The following PICALM variants were observed in gnomAD, a reference collection of about 807,000 sequenced individuals.
The protein encoded by PICALM is phosphatidylinositol binding clathrin assembly protein, also known as phosphatidylinositol-binding clathrin assembly protein.
In PICALM, 40 loss-of-function variants were observed where a neutral mutation model predicts 80.5. That is an observed-to-expected ratio of 0.50 (90% CI 0.39 to 0.65). The LOEUF (loss-of-function observed/expected upper bound fraction) is 0.65. Among genes scored for constraint, PICALM ranks in the 30% least tolerant of loss-of-function variants. The pLI, the probability that PICALM is intolerant of heterozygous loss-of-function variation, is 0.00. For synonymous variants in PICALM, 288 were observed against 260.3 expected (o/e 1.11, Z -1.02); for missense variants, 676 against 778.9 (o/e 0.87, Z 1.57).
intron 1 of PICALM, among the ~76,000 whole-genome samples, chr11:86,059,896 T>C (rs2096331126): frequency 6.6e-6 from 1 of 151,404 alleles, no homozygotes; most frequent in African/African-American, 2.4e-5. Context: ...AGAGGACAAA[T>C]AATCAAGAGT....
intron 12 of PICALM, among the ~76,000 whole-genome samples, chr11:85,993,875 TAAACTG>T (rs1204537746): frequency 7.2e-5 from 11 of 152,066 alleles, no homozygotes; most frequent in South Asian, 2.1e-4. Context: ...TCACACACAC[TAAACTG>T]ATTTTTTTTT....
intron 4 of PICALM, among the ~76,000 whole-genome samples, chr11:86,022,046 T>C (rs1038967589): frequency 6.6e-6 from 1 of 152,166 alleles, no homozygotes; most frequent in African/African-American, 2.4e-5. Flanking sequence ...CTAATAGGTA[T>C]AGAGTTTCTT....
chr11:86,032,588 T>C lies in PICALM; in HGVS notation c.131-977A>G, dbSNP rs143731177. On this transcript the variant is annotated intron_variant, in intron 1 of 19. Transcript: ENST00000393346. ...TTGCAGTGAGCGGAGATAGTACCAC[T>C]GCACTCCAGCCTGGGCAACAGAGTG... is the stretch of plus-strand genomic sequence containing the variant. 2.2e-3 allele frequency among the ~76,000 whole-genome samples: 332 copies of C among 152,262 alleles called. 14 individuals carry two copies. The East Asian group carries it at 0.06, about 27-fold the overall frequency.
At position 85,990,250 on chromosome 11, in the gene PICALM, C is replaced by T; in HGVS notation, c.1408G>A (p.Gly470Arg). The change falls in exon 13 of 20, where the codon GGA becomes AGA. Residue 470 changes from glycine to arginine, a missense_variant and splice_region_variant. Physicochemically the swap from Gly to Arg is moderately radical, Grantham distance 125 (BLOSUM62 -2). Around this residue, in one of 2 missense-constraint regions of PICALM, gnomAD observed 391 missense variants for 383.6 expected, o/e 1.02. Transcript: ENST00000393346. Reference sequence around the variant, plus strand: ...AAAAAAAGGTTAAATGGTACTTTACCAACAAACATTTCATGAGTAGGTGTC... The same window carrying T: ...AAAAAAAGGTTAAATGGTACTTTACTAACAAACATTTCATGAGTAGGTGTC... ...TRTPTHEMFV[G>R]FTPSPVAQPH... 3 of 1,574,684 alleles carry T rather than the reference C, an allele frequency of 1.9e-6. No individual in the cohort carries two copies. Among genetic ancestry groups the T allele is most frequent in the Non-Finnish European group, 2.6e-6 (3 of 1,152,442 alleles).
intron 17 of PICALM, among the ~76,000 whole-genome samples, chr11:85,979,781 G>T (rs532917826): frequency 6.6e-6 from 1 of 152,176 alleles, no homozygotes; most frequent in Admixed American, 6.5e-5. Context: ...CAGGACAGCT[G>T]TCAGTAACGT....
chr11:86,021,108 G>A (rs375235192), intron 4 of PICALM, among the ~76,000 whole-genome samples: 24 of 152,272 alleles, frequency 1.6e-4, no homozygotes, highest in African/African-American at 5.3e-4. Context: ...AACACTGTGG[G>A]AGGCCAAAAT....
intron 1 of PICALM, among the ~76,000 whole-genome samples, chr11:86,065,092 G>A (rs542714329): frequency 1.1e-4 from 17 of 151,784 alleles, no homozygotes; most frequent in Admixed American, 6.6e-5. Context: ...AAAGGGGTGG[G>A]GTTAAGACTA....
chr11:85,968,507 T>C (rs1327353565), intron 19 of PICALM, among the ~76,000 whole-genome samples: 1 of 152,214 alleles, frequency 6.6e-6, no homozygotes, highest in African/African-American at 2.4e-5. Flanking sequence ...TAAACTGCCA[T>C]ATAAACATTC....
chr11:86,042,838 GA>G (rs2095999462), intron 1 of PICALM, among the ~76,000 whole-genome samples: 1 of 152,100 alleles, frequency 6.6e-6, no homozygotes, highest in Non-Finnish European at 1.5e-5. Context: ...ACAAGACAGG[GA>G]AAAAGAAACC....
intron 11 of PICALM, among the ~76,000 whole-genome samples, chr11:85,997,896 C>A (rs2095026248): frequency 6.6e-6 from 1 of 152,048 alleles, no homozygotes; most frequent in Non-Finnish European, 1.5e-5. Context: ...GACTGGCATG[C>A]CTTAGCCTCC....
intron 3 of PICALM, chr11:86,023,346 T>C (rs937145682): frequency 2.4e-6 from 1 of 418,312 alleles, no homozygotes; most frequent in African/African-American, 2.2e-5. Flanking sequence ...TGAGTGCCTA[T>C]TAAGTACCAG....
intron 3 of PICALM, chr11:86,023,573 T>A (rs1472613077): frequency 1.0e-6 from 1 of 984,846 alleles, no homozygotes; most frequent in Admixed American, 6.1e-5. Flanking sequence ...ATTAACACCT[T>A]ACCACTAGAA....
At chr11:86,064,605 A>G (rs2096416299) in intron 1 of PICALM, among the ~76,000 whole-genome samples, 1 of 149,190 alleles carries the variant, frequency 6.7e-6, no homozygotes, top group African/African-American at 2.5e-5. Context: ...ATGTGATTCC[A>G]CCACTGCACT....
intron 1 of PICALM, among the ~76,000 whole-genome samples, chr11:86,033,049 T>A (rs1476410421): frequency 3.3e-5 from 5 of 152,202 alleles, no homozygotes; most frequent in Non-Finnish European, 5.9e-5. Context: ...CAATTCAGAC[T>A]ATTTGCAACA....
At chr11:85,970,504 T>C (rs979992534) in intron 19 of PICALM, among the ~76,000 whole-genome samples, 15 of 152,236 alleles carry the variant, frequency 9.9e-5, no homozygotes, top group African/African-American at 3.4e-4. Flanking sequence ...AGGCTTTAAA[T>C]GTTCAGTTAT....
chr11:86,014,202 A>T (rs2095443647), intron 5 of PICALM, among the ~76,000 whole-genome samples: 1 of 152,238 alleles, frequency 6.6e-6, no homozygotes, highest in Non-Finnish European at 1.5e-5. Context: ...AATTTAAAGG[A>T]AAAATCTATT....
chr11:85,981,011 T>A (rs774673853), intron 17 of PICALM, 118 bp downstream of exon 17: 2 of 590,582 alleles, frequency 3.4e-6, no homozygotes, highest in Non-Finnish European at 6.1e-6. Context: ...CAATTACTTA[T>A]ACTTCTAAAC....
chr11:85,976,578 T>C, intron 18 of PICALM, 45 bp downstream of exon 18: 2 of 1,123,102 alleles, frequency 1.8e-6, no homozygotes, highest in East Asian at 2.4e-5. Context: ...ATGTTATATA[T>C]GAATCAATAT....
At chr11:86,051,534 A>C (rs867788569) in intron 1 of PICALM, among the ~76,000 whole-genome samples, 1 of 152,068 alleles carries the variant, frequency 6.6e-6, no homozygotes, top group Admixed American at 6.5e-5. Context: ...GGTAGCGTGC[A>C]CTCACAGTCC....
Sources: allele counts gnomAD v4.1 joint callset (sites outside exome capture counted in the v4.1 genomes callset), GRCh38; gene constraint gnomAD v4.1.1; regional missense constraint gnomAD v4.1.1; transcripts MANE v1.5; gene names NCBI Gene and HGNC (gene_info 2026-07-23, HGNC 2026-07-21).